The following POU3F3 variants were observed in gnomAD, a reference collection of about 807,000 sequenced individuals.
The protein encoded by POU3F3 is POU class 3 homeobox 3.
POU3F3 carries 1 observed loss-of-function variant against 8.6 expected under a neutral mutation model. The observed-to-expected ratio is 0.12, with a 90% CI of 0.04 to 0.55. POU3F3 has a LOEUF of 0.55. POU3F3 is among the 20% of genes least tolerant of loss of function. The pLI is 0.91. For missense variants in POU3F3, 577 were observed against 690.7 expected (o/e 0.84, Z 1.84); for synonymous variants, 418 against 327.4 (o/e 1.28, Z -2.99).
the POU3F3 span, among the ~76,000 whole-genome samples, chr2:104,894,167 C>T: frequency 1.3e-5 from 2 of 152,332 alleles, no homozygotes; most frequent in African/African-American, 4.8e-5. Flanking sequence ...GTGAAAGTCT[C>T]TGTGAGGATC....
In POU3F3 at chr2:104,855,922, C is replaced by A; in HGVS notation, c.412C>A (p.Gln138Lys). The change falls in exon 1 of 1, where the codon CAG becomes AAG. Residue 138 changes from glutamine (Q) to lysine (K), a missense_variant. This residue lies in a region of POU3F3 where 484 missense variants were observed against 422.6 expected (regional missense o/e 1.15). Transcript: ENST00000361360. ...GMAGSPQQPP[Q>K]PPPPPPQGPD... The stretch of plus-strand genomic sequence containing the variant: ...GGCTGGCAGCCCCCAGCAGCCACCG[C>A]AGCCGCCGCCGCCACCGCCGCAGGG... 9.4e-7 allele frequency: 1 copy of A among 1,063,728 alleles called. No homozygotes were observed. 65.9% of individuals were successfully genotyped at this position (1,063,728 alleles called of 1,614,324 possible).
chr2:104,914,398 G>A, the POU3F3 span, among the ~76,000 whole-genome samples: 5 of 152,210 alleles, frequency 3.3e-5, no homozygotes, highest in Admixed American at 6.5e-5. Flanking sequence ...TAGGATAGGA[G>A]CTGATCATTT....
At chr2:104,861,853 G>T (rs1186323561), downstream of POU3F3, among the ~76,000 whole-genome samples, 1 of 152,222 alleles carries the variant, frequency 6.6e-6, no homozygotes, top group Admixed American at 6.5e-5. Context: ...CTGAGGGCCT[G>T]AAGTTCACCC....
downstream of POU3F3, among the ~76,000 whole-genome samples, chr2:104,861,867 TG>T (rs1190910282): frequency 3.3e-5 from 5 of 152,214 alleles, no homozygotes; most frequent in Non-Finnish European, 7.3e-5. Context: ...TTCACCCATG[TG>T]ACCTCCTGGG....
the POU3F3 span, among the ~76,000 whole-genome samples, chr2:104,885,617 G>A: frequency 6.6e-6 from 1 of 152,104 alleles, no homozygotes; most frequent in South Asian, 2.1e-4. Context: ...GCAACCCAAG[G>A]AAGTTACCCT....
downstream of POU3F3, among the ~76,000 whole-genome samples, chr2:104,862,052 T>C (rs1274833260): frequency 6.6e-6 from 1 of 152,204 alleles, no homozygotes; most frequent in Non-Finnish European, 1.5e-5. Flanking sequence ...GATTCTTTGA[T>C]TTTGTTAGCC....
the POU3F3 span, among the ~76,000 whole-genome samples, chr2:104,927,303 A>G: frequency 5.9e-5 from 9 of 152,174 alleles, no homozygotes; most frequent in East Asian, 7.7e-4. Flanking sequence ...GTTCATAACA[A>G]CGAGGTCAGG....
At chr2:104,879,689 C>T in the POU3F3 span, among the ~76,000 whole-genome samples, 1 of 152,120 alleles carries the variant, frequency 6.6e-6, no homozygotes, top group Admixed American at 6.5e-5. Context: ...GCTGTGTGAC[C>T]TCCTTCTGCC....
chr2:104,915,058 G>T, the POU3F3 span, among the ~76,000 whole-genome samples: 31,927 of 152,142 alleles, frequency 0.21, 3,914 homozygotes, highest in East Asian at 0.36. Flanking sequence ...CACTCGGAAG[G>T]TCACACTTGT....
the POU3F3 span, among the ~76,000 whole-genome samples, chr2:104,917,016 A>T: frequency 1.3e-5 from 2 of 152,174 alleles, no homozygotes; most frequent in Admixed American, 6.5e-5. Context: ...CAGAAAGATG[A>T]TTTCACTCCC....
At chr2:104,905,903 T>C in the POU3F3 span, among the ~76,000 whole-genome samples, 1 of 152,218 alleles carries the variant, frequency 6.6e-6, no homozygotes. Context: ...TTTGGGGGTT[T>C]GAACTTGAAC....
chr2:104,900,505 G>C, the POU3F3 span, among the ~76,000 whole-genome samples: 1 of 152,158 alleles, frequency 6.6e-6, no homozygotes, highest in African/African-American at 2.4e-5. Context: ...ATATGAATGC[G>C]AGAAGGTGTG....
the POU3F3 span, among the ~76,000 whole-genome samples, chr2:104,890,198 A>G: frequency 6.6e-6 from 1 of 152,194 alleles, no homozygotes; most frequent in Non-Finnish European, 1.5e-5. Flanking sequence ...CACAATTTGC[A>G]GTGGGGAGGA....
chr2:104,906,899 C>T, the POU3F3 span, among the ~76,000 whole-genome samples: 2 of 152,282 alleles, frequency 1.3e-5, no homozygotes, highest in Non-Finnish European at 2.9e-5. Context: ...CTGTTGCCAC[C>T]TCACCACCAT....
chr2:104,889,223 A>T, the POU3F3 span, among the ~76,000 whole-genome samples: 1 of 152,214 alleles, frequency 6.6e-6, no homozygotes, highest in South Asian at 2.1e-4. Context: ...GGTCCTTGAC[A>T]CATGGCCATG....
chr2:104,918,446 G>A, the POU3F3 span, among the ~76,000 whole-genome samples: 5 of 152,360 alleles, frequency 3.3e-5, no homozygotes, highest in African/African-American at 1.2e-4. Flanking sequence ...AGTCATTGCA[G>A]CTGTAATGAG....
At position 104,857,205 on chromosome 2, in the gene POU3F3, A is replaced by G. The variant is rs546349728; in HGVS notation, c.*192A>G. On this transcript the variant is annotated 3_prime_UTR_variant, in exon 1 of 1. Transcript: ENST00000361360. ...CCCTCCCCTCCACCCAGAGACAGGC[A>G]TGCCCGCCCTTGGAGGAGAAAACGC... The G allele has an allele frequency of 1.7e-6, 1 of 584,432 alleles. No homozygotes were observed. Among genetic ancestry groups the G allele is most frequent in the Non-Finnish European group, 2.2e-6 (1 of 462,396 alleles). 36.2% of individuals were successfully genotyped at this position (584,432 alleles called of 1,614,324 possible).
At chr2:104,872,914 A>G in the POU3F3 span, among the ~76,000 whole-genome samples, 1 of 152,124 alleles carries the variant, frequency 6.6e-6, no homozygotes, top group Non-Finnish European at 1.5e-5. This position sits in a 1 kb window ranked among gnomAD's most constrained non-coding sequence, Gnocchi z 4.6. Context: ...GTGGAGAGAA[A>G]GCGCGCTCCC....
the POU3F3 span, chr2:104,868,423 A>T: frequency 2.2e-6 from 1 of 453,030 alleles, no homozygotes; most frequent in Non-Finnish European, 4.4e-6. Context: ...GATGTAAAAT[A>T]TAGTCAGTGA....
Sources: allele counts gnomAD v4.1 joint callset (sites outside exome capture counted in the v4.1 genomes callset), GRCh38; gene constraint gnomAD v4.1.1; regional missense constraint gnomAD v4.1.1; non-coding constraint Gnocchi (gnomAD v3.1); transcripts MANE v1.5; gene names NCBI Gene and HGNC (gene_info 2026-07-23, HGNC 2026-07-21).